LIN7A: variants seen among roughly 807,000 people sequenced by gnomAD.
LIN7A encodes the protein protein lin-7 homolog A.
A neutral mutation model predicts 29.8 loss-of-function variants in LIN7A; 25 were observed. The observed-to-expected ratio is 0.84, with a 90% CI of 0.61 to 1.17. The LOEUF (loss-of-function observed/expected upper bound fraction) is 1.17, where lower values mean the gene tolerates loss of function less well. Ranked by LOEUF, LIN7A falls within the 50% of genes most tolerant of loss-of-function variation. The pLI is 0.00. For missense variants in LIN7A, 239 were observed against 287.0 expected (o/e 0.83, Z 1.21); for synonymous variants, 118 against 107.5 (o/e 1.10, Z -0.60).
chr12:80,856,222 A>G (rs1248670852), intron 2 of LIN7A, among the ~76,000 whole-genome samples: 1 of 152,220 alleles, frequency 6.6e-6, no homozygotes, highest in African/African-American at 2.4e-5. Context: ...GAATTTCCAG[A>G]GTACTATCTT....
At chr12:80,876,722 C>T (rs927071593) in intron 2 of LIN7A, among the ~76,000 whole-genome samples, 1 of 152,164 alleles carries the variant, frequency 6.6e-6, no homozygotes, top group African/African-American at 2.4e-5. Context: ...TTAAATGTCT[C>T]ATATACAAGT....
At chr12:80,823,307 T>G (rs2121522227) in intron 4 of LIN7A, among the ~76,000 whole-genome samples, 1 of 152,252 alleles carries the variant, frequency 6.6e-6, no homozygotes, top group South Asian at 2.1e-4. Context: ...AGCCCAGACC[T>G]AAGAGCTCCC....
At chr12:80,821,798 C>T (rs1220413271) in intron 4 of LIN7A, among the ~76,000 whole-genome samples, 1 of 152,192 alleles carries the variant, frequency 6.6e-6, no homozygotes, top group Non-Finnish European at 1.5e-5. Context: ...GGCATCTCTG[C>T]ATTCTCAGGG....
chr12:80,850,391 T>C (rs921497739), intron 2 of LIN7A, among the ~76,000 whole-genome samples: 1 of 152,172 alleles, frequency 6.6e-6, no homozygotes, highest in African/African-American at 2.4e-5. Flanking sequence ...TAGCTATCAT[T>C]GTTATGCTGT....
At position 80,937,742 on chromosome 12, in the gene LIN7A, GA is replaced by G; in HGVS notation, c.-21del. On this transcript the variant is annotated 5_prime_UTR_variant, in exon 1 of 6. Coordinates refer to ENST00000552864, the MANE Select transcript of LIN7A (RefSeq NM_004664.4). ...CAGCATCAGCAACCGCTCGTAGTGAGAAAAAAAGGAGGAGATTGGGGGCGGG... is the reference window on the plus strand; with the variant it reads ...CAGCATCAGCAACCGCTCGTAGTGAGAAAAAAGGAGGAGATTGGGGGCGGG... The G allele has an allele frequency of 9.8e-6, 8 of 819,544 alleles. No individual in the cohort carries two copies. Among genetic ancestry groups the G allele is most frequent in the East Asian group, 8.8e-5 (1 of 11,374 alleles). 50.8% of individuals were successfully genotyped at this position (819,544 alleles called of 1,614,324 possible).
At chr12:80,895,174 G>C (rs1565919278) in intron 1 of LIN7A, among the ~76,000 whole-genome samples, 1 of 152,202 alleles carries the variant, frequency 6.6e-6, no homozygotes, top group Non-Finnish European at 1.5e-5. Flanking sequence ...AGTGATAACA[G>C]TGGATCATTG....
intron 4 of LIN7A, among the ~76,000 whole-genome samples, chr12:80,827,985 A>G (rs10506836): frequency 0.098 from 14,898 of 152,166 alleles, 786 homozygotes; most frequent in East Asian, 0.18. Flanking sequence ...GCTTCTTCAC[A>G]TAAAGTTCTC....
At position 80,796,311 on chromosome 12, in the gene LIN7A, T is replaced by C. The variant is rs1420548259; in HGVS notation, c.*1416A>G. ...CTAAGCAATTATTCTTTTCTTAGGT[T>C]CATTTATGTGCTTAAGGTATTCAAA... On this transcript the variant is annotated 3_prime_UTR_variant, in exon 6 of 6. Coordinates refer to ENST00000552864, the MANE Select transcript of LIN7A (RefSeq NM_004664.4). 6.6e-6 allele frequency: 1 copy of C among 152,192 alleles called. No homozygotes were observed. Among genetic ancestry groups the C allele is most frequent in the Non-Finnish European group, 1.5e-5 (1 of 68,014 alleles). The allele number at this position is 152,192 out of a possible 1,614,324, so 9.4% of individuals were successfully genotyped here. A position where few individuals can be genotyped will look rare whatever the true frequency, so the allele number is the denominator to read the frequency against.
intron 4 of LIN7A, among the ~76,000 whole-genome samples, chr12:80,837,892 T>C (rs1285488023): frequency 2.0e-5 from 3 of 151,870 alleles, no homozygotes; most frequent in Non-Finnish European, 4.4e-5. Flanking sequence ...TCTACCAGAT[T>C]ATAACCCTTT....
At chr12:80,845,595 A>G (rs1347121477) in intron 4 of LIN7A, 135 bp downstream of exon 4, 1 of 642,934 alleles carries the variant, frequency 1.6e-6, no homozygotes, top group Admixed American at 3.3e-5. Flanking sequence ...TTTAATATCC[A>G]TCAATGCTTA....
intron 2 of LIN7A, among the ~76,000 whole-genome samples, chr12:80,879,639 G>T (rs1874914373): frequency 1.1e-5 from 1 of 90,416 alleles, no homozygotes; most frequent in African/African-American, 4.0e-5. Flanking sequence ...TGTCTATGGA[G>T]CAGCCCAAAA....
intron 1 of LIN7A, among the ~76,000 whole-genome samples, chr12:80,906,505 G>A (rs1876482484): frequency 6.6e-6 from 1 of 151,968 alleles, no homozygotes; most frequent in Non-Finnish European, 1.5e-5. Flanking sequence ...GGGGGTTGGG[G>A]GGTTTGCCTT....
rs755478415 is a variant in LIN7A, at chr12:80,811,574, G to A, written c.593C>T (p.Ala198Val). Residue 198 changes from alanine (A) to valine (V), a missense_variant, in exon 5 of 6, where the codon GCT becomes GTT. Ala to Val is a moderately conservative substitution (Grantham distance 64). Coordinates refer to ENST00000552864, the MANE Select transcript of LIN7A (RefSeq NM_004664.4). ...YTPKVLEEME[A>V]RFEKLRTARR... ...GGCTGTTCGTAGCTTTTCAAAGCGA[G>A]CCTCCATTTCTTCCAGAACTTTTGG... The A allele has an allele frequency of 2.5e-6, 4 of 1,614,086 alleles. No homozygotes were observed. The highest frequency in any genetic ancestry group is 1.1e-5 in the South Asian group (1 of 91,072).
At chr12:80,900,492 C>T (rs1241752307) in intron 1 of LIN7A, among the ~76,000 whole-genome samples, 1 of 152,184 alleles carries the variant, frequency 6.6e-6, no homozygotes, top group East Asian at 1.9e-4. Flanking sequence ...CAAAGAATTT[C>T]TTGATTTCTG....
At chr12:80,901,259 A>C (rs1185313561) in intron 1 of LIN7A, among the ~76,000 whole-genome samples, 1 of 152,118 alleles carries the variant, frequency 6.6e-6, no homozygotes, top group East Asian at 1.9e-4. Context: ...CATTCCATCT[A>C]TGACCTCAAT....
chr12:80,927,265 G>C (rs568034532), intron 1 of LIN7A, among the ~76,000 whole-genome samples: 34 of 147,476 alleles, frequency 2.3e-4, no homozygotes, highest in African/African-American at 7.4e-4. Flanking sequence ...GGCTTCAGGC[G>C]ATTCACCTGC....
intron 2 of LIN7A, among the ~76,000 whole-genome samples, chr12:80,849,629 G>C (rs1345742547): frequency 6.6e-6 from 1 of 152,008 alleles, no homozygotes; most frequent in East Asian, 1.9e-4. Flanking sequence ...ATACCTACAG[G>C]AGTCAAGCCA....
chr12:80,898,576 A>G (rs1379254897), intron 1 of LIN7A, among the ~76,000 whole-genome samples: 1 of 151,874 alleles, frequency 6.6e-6, no homozygotes, highest in Non-Finnish European at 1.5e-5. Context: ...TTTGGGCAGT[A>G]TGTCCATTTT....
At chr12:80,881,369 T>C (rs1875025578) in intron 2 of LIN7A, among the ~76,000 whole-genome samples, 1 of 152,158 alleles carries the variant, frequency 6.6e-6, no homozygotes, top group Non-Finnish European at 1.5e-5. Context: ...CTAAGTTTAA[T>C]GTGAACAGAA....
Sources: gnomAD v4.1 joint callset for allele counts (sites outside exome capture counted in the v4.1 genomes callset) on GRCh38, gnomAD v4.1.1 for gene constraint, MANE v1.5 for transcripts, NCBI Gene and HGNC (gene_info 2026-07-23, HGNC 2026-07-21) for gene names.